Variants in CAPS2 observed in about 807,000 individuals in gnomAD.
CAPS2 encodes the protein calcyphosin-2.
Under a neutral mutation model 86.5 loss-of-function variants are expected in CAPS2, and 98 were observed. That is an observed-to-expected ratio of 1.13 (90% CI 0.96 to 1.34). The LOEUF is 1.34. Ranked by LOEUF, CAPS2 falls within the 40% of genes most tolerant of loss-of-function variation. CAPS2 has a pLI of 0.00. For missense variants in CAPS2, 729 were observed against 686.8 expected (o/e 1.06, Z -0.69); for synonymous variants, 210 against 225.1 (o/e 0.93, Z 0.60).
chr12:75,367,040 T>C (rs963058776), intron 1 of CAPS2: 14 of 700,610 alleles, frequency 2.0e-5, no homozygotes, highest in Non-Finnish European at 3.1e-5. Flanking sequence ...TCTCTAAAAA[T>C]GACAGTTTAA....
chr12:75,294,078 C>T (rs1219522651), intron 11 of CAPS2, among the ~76,000 whole-genome samples: 1 of 152,038 alleles, frequency 6.6e-6, no homozygotes, highest in Non-Finnish European at 1.5e-5. Flanking sequence ...GTTACAGGTG[C>T]CCACCACCAC....
At chr12:75,323,914 T>C (rs184239007) in intron 2 of CAPS2, among the ~76,000 whole-genome samples, 51 of 152,330 alleles carry the variant, frequency 3.3e-4, no homozygotes, top group African/African-American at 1.1e-3. Context: ...AGTGATGTCA[T>C]ATAGGCACAC....
At chr12:75,322,988 G>A (rs1386333458) in exon 4 of CAPS2, 1 of 1,523,544 alleles carries the variant, frequency 6.6e-7, no homozygotes, top group Admixed American at 2.0e-5. Context: ...TTATTTAGAT[G>A]ATACTGAGTA....
At chr12:75,374,157 C>T (rs1458222526) in intron 1 of CAPS2, among the ~76,000 whole-genome samples, 1 of 152,184 alleles carries the variant, frequency 6.6e-6, no homozygotes, top group African/African-American at 2.4e-5. Flanking sequence ...TCTTATCTGC[C>T]ACTGACGCCT....
chr12:75,372,375 T>C (rs925205812), intron 1 of CAPS2, among the ~76,000 whole-genome samples: 1 of 152,168 alleles, frequency 6.6e-6, no homozygotes, highest in Admixed American at 6.6e-5. Context: ...TGTTAGCCTG[T>C]TGACTTAGAG....
intron 13 of CAPS2, among the ~76,000 whole-genome samples, chr12:75,291,340 A>C (rs1331299333): frequency 6.6e-6 from 1 of 151,306 alleles, no homozygotes; most frequent in East Asian, 1.9e-4. Context: ...AATTACTTTC[A>C]CATTTTATTC....
At chr12:75,296,613 G>T (rs2036936808) in intron 11 of CAPS2, among the ~76,000 whole-genome samples, 1 of 152,174 alleles carries the variant, frequency 6.6e-6, no homozygotes, top group Admixed American at 6.5e-5. Flanking sequence ...TTATGCAGGT[G>T]CATCTATGGG....
intron 1 of CAPS2, chr12:75,370,288 T>C (rs141776221): frequency 2.0e-5 from 12 of 593,368 alleles, no homozygotes; most frequent in Admixed American, 5.7e-5. Flanking sequence ...CACTCTTGCC[T>C]GATACCTAAA....
intron 1 of CAPS2, among the ~76,000 whole-genome samples, chr12:75,389,692 T>A (rs938475012): frequency 5.3e-5 from 8 of 152,222 alleles, no homozygotes; most frequent in African/African-American, 1.9e-4. Context: ...TGCTTTTCCC[T>A]TTGTTTAGAA....
At chr12:75,374,496 G>T (rs900226811) in intron 1 of CAPS2, among the ~76,000 whole-genome samples, 1 of 152,178 alleles carries the variant, frequency 6.6e-6, no homozygotes, top group South Asian at 2.1e-4. Context: ...GAAGGTCCCT[G>T]AATTTTAATG....
chr12:75,285,828 A>C (rs2034779122), intron 14 of CAPS2, among the ~76,000 whole-genome samples: 1 of 151,954 alleles, frequency 6.6e-6, no homozygotes, highest in South Asian at 2.1e-4. Context: ...TTCCAATGGC[A>C]TTATAACCAC....
upstream of CAPS2, among the ~76,000 whole-genome samples, chr12:75,333,246 G>GCA (rs1414293062): frequency 2.4e-5 from 1 of 41,338 alleles, no homozygotes; most frequent in African/African-American, 8.4e-5. Context: ...ATGTCTATAG[G>GCA]CAGACACACA....
upstream of CAPS2, among the ~76,000 whole-genome samples, chr12:75,332,328 T>C (rs948242812): frequency 6.6e-6 from 1 of 152,236 alleles, no homozygotes; most frequent in Non-Finnish European, 1.5e-5. Flanking sequence ...CATTTGAAGC[T>C]CAACTTTAAA....
chr12:75,307,011 C>T (rs905629231), intron 7 of CAPS2, among the ~76,000 whole-genome samples: 24 of 151,888 alleles, frequency 1.6e-4, no homozygotes, highest in African/African-American at 5.8e-4. Context: ...AATATGTGTA[C>T]GGCCACAGGA....
At chr12:75,297,216 AT>A (rs1453326990) in intron 11 of CAPS2, among the ~76,000 whole-genome samples, 1 of 152,234 alleles carries the variant, frequency 6.6e-6, no homozygotes, top group Non-Finnish European at 1.5e-5. Context: ...TTTTGGAGAT[AT>A]CAGCTCAAAC....
chr12:75,361,830 CT>C (rs959054628), intron 1 of CAPS2, among the ~76,000 whole-genome samples: 3 of 152,088 alleles, frequency 2.0e-5, no homozygotes, highest in African/African-American at 7.2e-5. Context: ...AGGTTCCTCC[CT>C]CAACACATGG....
chr12:75,277,765 CTAATT>C, exon 17 of CAPS2: 1 of 811,392 alleles, frequency 1.2e-6, no homozygotes, highest in Non-Finnish European at 1.5e-6. Context: ...CTTATTTTTT[CTAATT>C]TATGTTATAT....
At chr12:75,376,668 C>T (rs750087942) in intron 1 of CAPS2, among the ~76,000 whole-genome samples, 2 of 152,190 alleles carry the variant, frequency 1.3e-5, no homozygotes, top group Non-Finnish European at 2.9e-5. Context: ...CCAGCCTCAT[C>T]CCTCATCAGG....
intron 8 of CAPS2, among the ~76,000 whole-genome samples, chr12:75,303,471 A>G (rs572353826): frequency 1.3e-5 from 2 of 152,336 alleles, no homozygotes; most frequent in Admixed American, 6.5e-5. Context: ...GGGAGGCAGC[A>G]TAAGGGGAGG....
Sources: allele counts gnomAD v4.1 joint callset (sites outside exome capture counted in the v4.1 genomes callset), GRCh38; gene constraint gnomAD v4.1.1; transcripts MANE v1.5; gene names NCBI Gene and HGNC (gene_info 2026-07-23, HGNC 2026-07-21).